ABCA13: variants seen among roughly 807,000 people sequenced by gnomAD.
ABCA13 encodes ATP binding cassette subfamily A member 13, also known as ATP-binding cassette sub-family A member 13.
In ABCA13, 476 loss-of-function variants were observed where a neutral mutation model predicts 478.7. The observed-to-expected ratio is 0.99, with a 90% CI of 0.92 to 1.07. The LOEUF (loss-of-function observed/expected upper bound fraction) is 1.07. ABCA13 is among the 50% of genes least tolerant of loss of function. ABCA13 has a pLI of 0.00. For synonymous variants in ABCA13, 2,252 were observed against 2,158.9 expected, an observed-to-expected ratio of 1.04 and a Z score of -1.20; for missense variants, 6,060 against 5,910.6, an observed-to-expected ratio of 1.03 and a Z score of -0.83.
At chr7:48,269,197 AT>A in intron 16 of ABCA13, 103 bp downstream of exon 16, 1 of 641,076 alleles carries the variant, frequency 1.6e-6, no homozygotes, top group Non-Finnish European at 2.7e-6. Context: ...TATGAGCCTG[AT>A]TTAGATATTG....
At chr7:48,410,093 C>CAAAAAAAAAAAAAAAA (rs58724216) in intron 39 of ABCA13, among the ~76,000 whole-genome samples, 2 of 67,200 alleles carry the variant, frequency 3.0e-5, no homozygotes, top group Admixed American at 1.8e-4. Context: ...GACTCCATCT[C>CAAAAAAAAAAAAAAAA]AAAAAAAAAA....
Position 48,273,755 on chromosome 7 carries a change from A to G in ABCA13, c.4089A>G (p.Leu1363=). ...VTECILEDGF[L]YVNTSQRMLR... ...AGTGTATTTTAGAAGATGGCTTTTT[A>G]TATGTAAATACCTCACAGAGGATGT... Residue 1363 remains leucine (L), a synonymous_variant, in exon 17 of 62, where the codon TTA becomes TTG. Coordinates refer to ENST00000435803, the MANE Select transcript of ABCA13 (RefSeq NM_152701.5). 6.2e-7 allele frequency: 1 copy of G among 1,610,552 alleles called. No homozygotes were observed. Among genetic ancestry groups the G allele is most frequent in the Non-Finnish European group, 8.5e-7 (1 of 1,178,124 alleles).
Position 48,273,323 on chromosome 7 carries a change from C to G in ABCA13, c.3657C>G (p.Ala1219=). 1 of 1,613,586 alleles carries G rather than the reference C, an allele frequency of 6.2e-7. No individual in the cohort carries two copies. The highest frequency in any genetic ancestry group is 8.5e-7 in the Non-Finnish European group (1 of 1,179,732). The change falls in exon 17 of 62, where the codon GCC becomes GCG. Residue 1219 remains alanine, a synonymous_variant. Transcript: ENST00000435803. ...ATTTGTTTAAAAATGTAACTCAAGC[C>G]AATGACTTCCATAATTGGGAGGACT... ...ILNLFKNVTQ[A]NDFHNWEDFL... is the part of the protein sequence containing the mutation.
rs1197892471 is a variant in ABCA13, at chr7:48,372,336, G to A, written c.10972G>A (p.Gly3658Arg). Residue 3658 changes from glycine (G) to arginine (R), a missense_variant, in exon 33 of 62, where the codon GGG (glycine) becomes AGG (arginine). Transcript: ENST00000435803. ...TGTTTTCCTCTTTCTCTTGGATTTT[G>A]GGATGTCAGTCGTCATGCTGAGCTA... ...FIVFLFLLDF[G>R]MSVVMLSYLL... The A allele has an allele frequency of 6.2e-7, 1 of 1,613,862 alleles. No homozygotes were observed. The highest frequency in any genetic ancestry group is 8.5e-7 in the Non-Finnish European group (1 of 1,179,832).
chr7:48,258,559 A>T (rs1050373556), intron 15 of ABCA13, among the ~76,000 whole-genome samples: 6 of 151,426 alleles, frequency 4.0e-5, no homozygotes, highest in Non-Finnish European at 5.9e-5. Flanking sequence ...GATCTTTTGT[A>T]TGTTTTTTTG....
rs568277818 is a variant in ABCA13 at position 48,197,460 on chromosome 7, A to AG, written c.164-774dup. On this transcript the variant is annotated intron_variant, in intron 2 of 61. Coordinates refer to ENST00000435803, the MANE Select transcript of ABCA13 (RefSeq NM_152701.5). ...GTAGATAAGGGCTGACAAGTTTTCC[A>AG]GGGCAGTTCAGTAGAGGGATAGGAT... 9.2e-5 allele frequency among the ~76,000 whole-genome samples: 14 copies of AG among 152,278 alleles called. No individual in the cohort carries two copies. The East Asian group carries it at 2.7e-3, about 29-fold the overall frequency.
rs549805217 is a variant in ABCA13, at chr7:48,275,406, G to A, written c.5740G>A (p.Val1914Met). ...AGTCTTCCATGTTAACATTTCTCTT[G>A]TGAAAACTGTGCAGAAATTTTGGCA... is the stretch of plus-strand genomic sequence containing the variant. The part of the protein sequence containing the change: ...SEVFHVNISL[V>M]KTVQKFWHKI... The change falls in exon 17 of 62, where the codon GTG (valine) becomes ATG (methionine). Residue 1914 changes from valine to methionine, a missense_variant. Val to Met is a conservative substitution (Grantham distance 21). This residue lies in a region of ABCA13 where 4,423 missense variants were observed against 4,309.1 expected (regional missense o/e 1.03). Transcript: ENST00000435803. 7.4e-5 allele frequency: 120 copies of A among 1,613,906 alleles called. No individual in the cohort carries two copies. The South Asian group carries it at 1.3e-3, about 17-fold the overall frequency.
Position 48,465,167 on chromosome 7 carries a change from G to A in ABCA13, c.12816-1789G>A, listed in dbSNP as rs61164845. Among the ~76,000 whole-genome samples the A allele has an allele frequency of 8.7e-3, 1,321 of 152,256 alleles. 22 individuals are homozygous for A. Among genetic ancestry groups the A allele is most frequent in the African/African-American group, 0.03 (1,264 of 41,520 alleles). ...AGGGATTCAAATACTATTTCAAAAC[G>A]CATAGGTAACAAGAAGCCATTGATA... On this transcript the variant is annotated intron_variant, in intron 43 of 61. Transcript: ENST00000435803.
chr7:48,443,030 G>GAACAGGAAA (rs1391952731), intron 42 of ABCA13, among the ~76,000 whole-genome samples: 1 of 152,158 alleles, frequency 6.6e-6, no homozygotes, highest in Non-Finnish European at 1.5e-5. Context: ...ATCCTTATAA[G>GAACAGGAAA]AACAGGAAAT....
chr7:48,289,856 A>G (rs947907990), intron 20 of ABCA13, among the ~76,000 whole-genome samples: 6 of 152,158 alleles, frequency 3.9e-5, no homozygotes, highest in Admixed American at 2.0e-4. Flanking sequence ...CAAAAATAGT[A>G]TGTTGCTTAT....
intron 29 of ABCA13, among the ~76,000 whole-genome samples, chr7:48,345,236 G>A (rs190228787): frequency 8.8e-4 from 134 of 152,262 alleles, no homozygotes; most frequent in African/African-American, 2.7e-3. Context: ...CTTGATCATC[G>A]TAATAAACTA....
chr7:48,175,523 C>T (rs567345531), intron 1 of ABCA13, among the ~76,000 whole-genome samples: 4 of 152,092 alleles, frequency 2.6e-5, no homozygotes, highest in African/African-American at 7.2e-5. Context: ...TGGGTTCAAG[C>T]GATTCTCCTG....
At chr7:48,444,249 A>T (rs1275032557) in intron 42 of ABCA13, among the ~76,000 whole-genome samples, 4 of 152,148 alleles carry the variant, frequency 2.6e-5, no homozygotes, top group African/African-American at 9.7e-5. Context: ...ATTTCCCTCC[A>T]GTTGCCTCCA....
Position 48,483,219 on chromosome 7 carries a change from C to T in ABCA13, c.13182+56C>T. The T allele has an allele frequency of 2.8e-6, 4 of 1,445,330 alleles. No homozygotes were observed. In the Admixed American group the frequency reaches 7.8e-5, roughly 28 times the overall value. The allele number at this position is 1,445,330 out of a possible 1,614,324, so 89.5% of individuals were successfully genotyped here. On this transcript the variant is annotated intron_variant, in intron 47 of 61. Transcript: ENST00000435803. The stretch of plus-strand genomic sequence containing the variant: ...TTAGAAAGTATTTAGGAAAACTCAA[C>T]ATTCAAATATAATTTTGAGCACAGG...
chr7:48,446,343 G>A (rs745935958), intron 42 of ABCA13, among the ~76,000 whole-genome samples: 1 of 150,664 alleles, frequency 6.6e-6, no homozygotes, highest in Non-Finnish European at 1.5e-5. Flanking sequence ...AGTGATTTGG[G>A]GAGACATGAT....
chr7:48,261,320 G>A lies in ABCA13; in HGVS notation c.2006-7660G>A, dbSNP rs996569464. Among the ~76,000 whole-genome samples, 72 of 151,948 alleles carry A rather than the reference G, an allele frequency of 4.7e-4. 1 individual carries two copies. Among genetic ancestry groups the A allele is most frequent in the South Asian group, 8.3e-4 (4 of 4,824 alleles). On this transcript the variant is annotated intron_variant, in intron 15 of 61. Transcript: ENST00000435803. ...AATTTTTCAATGTAGCTTCCCCGCCGCTTTTCCTTCTCACTGATAAACTTT... is the reference window on the plus strand; with the variant it reads ...AATTTTTCAATGTAGCTTCCCCGCCACTTTTCCTTCTCACTGATAAACTTT...
rs141671495 is a variant in ABCA13 at position 48,611,710 on chromosome 7, G to A, written c.14745-3575G>A. 7.3e-3 allele frequency among the ~76,000 whole-genome samples: 1,112 copies of A among 152,196 alleles called. 15 individuals carry two copies. Among genetic ancestry groups the A allele is most frequent in the African/African-American group, 0.025 (1,032 of 41,514 alleles). On this transcript the variant is annotated intron_variant, in intron 58 of 61. Coordinates refer to ENST00000435803, the MANE Select transcript of ABCA13 (RefSeq NM_152701.5). ...CCATGATCCAGTTACCTCCCACCAG[G>A]CCCCTCCTCCAACACAGGTGATCAC...
intron 3 of ABCA13, among the ~76,000 whole-genome samples, chr7:48,209,464 A>G (rs958605414): frequency 1.3e-5 from 2 of 152,088 alleles, no homozygotes; most frequent in African/African-American, 4.8e-5. Context: ...TTAAATGGTA[A>G]AATTCAGCAG....
intron 27 of ABCA13, among the ~76,000 whole-genome samples, chr7:48,329,277 C>T (rs2128927362): frequency 6.6e-6 from 1 of 152,280 alleles, no homozygotes; most frequent in African/African-American, 2.4e-5. Flanking sequence ...TTCTAGGGGA[C>T]AGAGTAGAAC....
Sources: gnomAD v4.1 joint callset for allele counts (sites outside exome capture counted in the v4.1 genomes callset) on GRCh38, gnomAD v4.1.1 for gene constraint, gnomAD v4.1.1 regional missense constraint, MANE v1.5 for transcripts, NCBI Gene and HGNC (gene_info 2026-07-23, HGNC 2026-07-21) for gene names.